The following FOXP2 variants were observed in gnomAD, a reference collection of about 807,000 sequenced individuals.
FOXP2 encodes the protein forkhead box protein P2.
Under a neutral mutation model 115.8 loss-of-function variants are expected in FOXP2, and 12 were observed. The observed-to-expected ratio is 0.10, with a 90% confidence interval of 0.07 to 0.17. FOXP2 has a LOEUF of 0.17. Ranked by LOEUF, FOXP2 falls within the 10% of genes least tolerant of loss-of-function variation. The pLI, the probability that FOXP2 is intolerant of heterozygous loss-of-function variation, is 1.00. For synonymous variants in FOXP2, 328 were observed against 297.7 expected, an observed-to-expected ratio of 1.10 and a Z score of -1.05; for missense variants, 629 against 843.5, an observed-to-expected ratio of 0.75 and a Z score of 3.15.
intron 1 of FOXP2, among the ~76,000 whole-genome samples, chr7:114,155,584 A>C (rs1792642854): frequency 6.6e-6 from 1 of 152,108 alleles, no homozygotes; most frequent in African/African-American, 2.4e-5. Context: ...TTAGCAAGGA[A>C]TCTGGCACCA....
At position 114,631,668 on chromosome 7, in the gene FOXP2, T is replaced by C; in HGVS notation, c.738T>C (p.Pro246=). ...GTCAGGGACTCATCTCCATTCCACC[T>C]GGCCAGGCAGCACTTCCTGTCCAAT... ...LQRQGLISIP[P]GQAALPVQSL... The change falls in exon 6 of 17, where the codon CCT becomes CCC. Residue 246 remains proline, a synonymous_variant. Coordinates refer to ENST00000350908, the MANE Select transcript of FOXP2 (RefSeq NM_014491.4). 6.2e-7 allele frequency: 1 copy of C among 1,614,122 alleles called. No homozygotes were observed. Among genetic ancestry groups the C allele is most frequent in the Non-Finnish European group, 8.5e-7 (1 of 1,180,008 alleles).
At chr7:114,138,658 TG>T (rs1792115307) in intron 1 of FOXP2, among the ~76,000 whole-genome samples, 1 of 152,178 alleles carries the variant, frequency 6.6e-6, no homozygotes, top group South Asian at 2.1e-4. Context: ...TCCGAAGTGC[TG>T]GGATTACAGG....
intron 8 of FOXP2, among the ~76,000 whole-genome samples, chr7:114,646,708 T>A (rs1322847551): frequency 6.6e-6 from 1 of 152,048 alleles, no homozygotes; most frequent in Non-Finnish European, 1.5e-5. Flanking sequence ...GTAAGTATAC[T>A]GACCGAAGTG....
chr7:114,629,654 T>A, intron 4 of FOXP2, 151 bp from the exon 5 acceptor site: 1 of 1,597,854 alleles, frequency 6.3e-7, no homozygotes, highest in Non-Finnish European at 8.5e-7. Flanking sequence ...TATGTAGAGC[T>A]GTCTCTTTGA....
chr7:114,605,713 T>C (rs1584944772), intron 3 of FOXP2, among the ~76,000 whole-genome samples: 1 of 152,194 alleles, frequency 6.6e-6, no homozygotes, highest in South Asian at 2.1e-4. Context: ...GGAAAGCATG[T>C]GTTCTAAATG....
intron 2 of FOXP2, among the ~76,000 whole-genome samples, chr7:114,441,552 T>C (rs770146194): frequency 6.6e-6 from 1 of 152,188 alleles, no homozygotes; most frequent in Non-Finnish European, 1.5e-5. Flanking sequence ...ATAGCAGCCT[T>C]CAGTTTATTC....
chr7:114,313,744 C>CAAAAA (rs767886427), intron 2 of FOXP2, among the ~76,000 whole-genome samples: 2 of 19,080 alleles, frequency 1.0e-4, no homozygotes, highest in Admixed American at 6.8e-4. Context: ...GACTCCGTCT[C>CAAAAA]AAAAAAAAAA....
chr7:114,543,177 G>T (rs1799763760), intron 3 of FOXP2, among the ~76,000 whole-genome samples: 1 of 152,044 alleles, frequency 6.6e-6, no homozygotes, highest in Non-Finnish European at 1.5e-5. Flanking sequence ...ATTATGTTTG[G>T]TCACTAAGTT....
intron 2 of FOXP2, among the ~76,000 whole-genome samples, chr7:114,311,112 G>C (rs1358743020): frequency 6.6e-6 from 1 of 152,036 alleles, no homozygotes; most frequent in Non-Finnish European, 1.5e-5. Flanking sequence ...GCCTTTCCCT[G>C]GCGCTGGCTG....
chr7:114,639,862 T>G (rs543842818), intron 6 of FOXP2, among the ~76,000 whole-genome samples: 43 of 152,328 alleles, frequency 2.8e-4, no homozygotes, highest in African/African-American at 1.0e-3. Flanking sequence ...TCTGTTGTTG[T>G]TGTTGTTTTG....
chr7:114,353,334 CTTTTTTTTTTTTT>C (rs138925770), intron 2 of FOXP2, among the ~76,000 whole-genome samples: 1,244 of 64,214 alleles, frequency 0.019, 41 homozygotes, highest in African/African-American at 0.069. Flanking sequence ...ATAGGAGCCT[CTTTTTTTTTTTTT>C]TTTTTTTTTT....
chr7:114,651,487 C>A (rs543260823), intron 8 of FOXP2, among the ~76,000 whole-genome samples: 3 of 152,030 alleles, frequency 2.0e-5, no homozygotes, highest in Non-Finnish European at 2.9e-5. Context: ...TTAAAGAGAT[C>A]TCTTTAAACA....
intron 2 of FOXP2, among the ~76,000 whole-genome samples, chr7:114,402,982 T>A (rs1361543910): frequency 6.6e-6 from 1 of 152,176 alleles, no homozygotes; most frequent in African/African-American, 2.4e-5. Context: ...CTACTGCCTC[T>A]ACACCTTACC....
At chr7:114,530,723 T>C (rs1052836239) in intron 2 of FOXP2, among the ~76,000 whole-genome samples, 11 of 151,858 alleles carry the variant, frequency 7.2e-5, no homozygotes, top group African/African-American at 2.7e-4. Context: ...TCATTAGAAT[T>C]ATTCTGTGAG....
At chr7:114,279,262 A>G (rs1054586155) in intron 1 of FOXP2, among the ~76,000 whole-genome samples, 3 of 152,194 alleles carry the variant, frequency 2.0e-5, no homozygotes, top group African/African-American at 7.2e-5. Context: ...ATATTGTGAT[A>G]GAGGCTGAGA....
intron 2 of FOXP2, among the ~76,000 whole-genome samples, chr7:114,464,198 A>G (rs185525432): frequency 1.1e-4 from 16 of 152,292 alleles, no homozygotes; most frequent in Admixed American, 4.6e-4. Flanking sequence ...AGAACTGTGC[A>G]AAGGGTAGAT....
At position 114,654,739 on chromosome 7, in the gene FOXP2, T is replaced by C. The variant is rs186972212; in HGVS notation, c.1266+730T>C. 2.2e-3 allele frequency among the ~76,000 whole-genome samples: 332 copies of C among 152,234 alleles called. 2 individuals carry two copies. Among genetic ancestry groups the C allele is most frequent in the Middle Eastern group, 6.8e-3 (2 of 294 alleles). On this transcript the variant is annotated intron_variant, in intron 10 of 16. Coordinates refer to ENST00000350908, the MANE Select transcript of FOXP2 (RefSeq NM_014491.4). Reference sequence around the variant, plus strand: ...AACTTAGAGTAATCAACTGGGTAACTCTAGTTTAATGAAAGTTTGTGGGAT... The same window carrying C: ...AACTTAGAGTAATCAACTGGGTAACCCTAGTTTAATGAAAGTTTGTGGGAT...
intron 2 of FOXP2, among the ~76,000 whole-genome samples, chr7:114,316,293 G>A (rs1161807717): frequency 1.3e-5 from 2 of 152,084 alleles, no homozygotes; most frequent in East Asian, 1.9e-4. Context: ...TATAATTATC[G>A]AAAATGTTTT....
rs184156727 is a variant in FOXP2 at position 114,407,693 on chromosome 7, T to A, written c.-10-18809T>A. Among the ~76,000 whole-genome samples the A allele has an allele frequency of 2.2e-3, 332 of 152,292 alleles. 1 individual carries two copies. Among genetic ancestry groups the A allele is most frequent in the African/African-American group, 7.1e-3 (294 of 41,566 alleles). ...TGCTTTTCTAAAGCATATATTCTTA[T>A]CTATTTTATTTCTATGCAAATATTT... On this transcript the variant is annotated intron_variant, in intron 2 of 17. Transcript: ENST00000634411.
Sources: allele counts gnomAD v4.1 joint callset (sites outside exome capture counted in the v4.1 genomes callset), GRCh38; gene constraint gnomAD v4.1.1; transcripts MANE v1.5; gene names NCBI Gene and HGNC (gene_info 2026-07-23, HGNC 2026-07-21).